The following DPP10 variants were observed in gnomAD, a reference collection of about 807,000 sequenced individuals.
DPP10 encodes inactive dipeptidyl peptidase 10.
DPP10 carries 33 observed loss-of-function variants against 120.9 expected under a neutral mutation model. The observed-to-expected ratio is 0.27, with a 90% CI of 0.21 to 0.37. The LOEUF (loss-of-function observed/expected upper bound fraction) is 0.37. DPP10 is among the 10% of genes least tolerant of loss of function. DPP10 has a pLI of 1.00. For missense variants in DPP10, 816 were observed against 942.8 expected (o/e 0.87, Z 1.76); for synonymous variants, 337 against 326.1 (o/e 1.03, Z -0.36).
At chr2:115,402,319 G>A (rs1044974431) in intron 3 of DPP10, among the ~76,000 whole-genome samples, 12 of 152,052 alleles carry the variant, frequency 7.9e-5, no homozygotes, top group African/African-American at 2.9e-4. Context: ...TTACAAGCAG[G>A]GGTGGACCAC....
chr2:114,780,068 G>A (rs1244484403), intron 1 of DPP10, among the ~76,000 whole-genome samples: 2 of 151,868 alleles, frequency 1.3e-5, no homozygotes, highest in Non-Finnish European at 2.9e-5. Flanking sequence ...CCCGGGAGGC[G>A]TAGCTTGCAG....
chr2:115,010,719 T>C (rs1573291003), intron 1 of DPP10, among the ~76,000 whole-genome samples: 1 of 152,184 alleles, frequency 6.6e-6, no homozygotes, highest in East Asian at 1.9e-4. Context: ...TCCATCATTT[T>C]ATGAACAAAA....
At chr2:115,363,215 C>T (rs1423602348) in intron 3 of DPP10, among the ~76,000 whole-genome samples, 1 of 152,146 alleles carries the variant, frequency 6.6e-6, no homozygotes, top group Non-Finnish European at 1.5e-5. Flanking sequence ...TCTACCATTA[C>T]CAGTAATGCT....
intron 5 of DPP10, among the ~76,000 whole-genome samples, chr2:115,581,836 T>C (rs2082018083): frequency 1.3e-5 from 2 of 152,142 alleles, no homozygotes; most frequent in South Asian, 2.1e-4. Flanking sequence ...AGTCCCATCA[T>C]TGTGTTCACC....
At chr2:114,808,308 A>G (rs1012490075) in intron 1 of DPP10, among the ~76,000 whole-genome samples, 9 of 152,314 alleles carry the variant, frequency 5.9e-5, no homozygotes, top group South Asian at 2.1e-4. Flanking sequence ...ATTTTGAACT[A>G]TTATGAACAA....
chr2:115,716,170 GA>G (rs1423286567), intron 7 of DPP10, among the ~76,000 whole-genome samples: 1 of 152,188 alleles, frequency 6.6e-6, no homozygotes, highest in Non-Finnish European at 1.5e-5. Context: ...CAATATCAAT[GA>G]AAACACTAGC....
chr2:115,515,903 C>T (rs190583064), intron 4 of DPP10, among the ~76,000 whole-genome samples: 51 of 152,184 alleles, frequency 3.4e-4, no homozygotes, highest in Non-Finnish European at 6.0e-4. Flanking sequence ...AAAATAAACA[C>T]ACACACTGAA....
chr2:115,137,943 C>A lies in DPP10; in HGVS notation c.61-171296C>A, dbSNP rs563746858. Among the ~76,000 whole-genome samples, 6 of 152,114 alleles carry A rather than the reference C, an allele frequency of 3.9e-5. No individual in the cohort carries two copies. The East Asian group carries it at 1.2e-3, about 30-fold the overall frequency. ...CAGCTTTACACAGAGAAATGAAGGT[C>A]ATCAGCATAAAGACAGAGATGTTCA... On this transcript the variant is annotated intron_variant, in intron 1 of 25. Coordinates refer to ENST00000410059, the MANE Select transcript of DPP10 (RefSeq NM_020868.6).
chr2:114,530,928 A>G (rs1685920137), intron 1 of DPP10, among the ~76,000 whole-genome samples: 1 of 152,176 alleles, frequency 6.6e-6, no homozygotes, highest in Non-Finnish European at 1.5e-5. Flanking sequence ...TTGCATAAGT[A>G]AATTATCCAG....
chr2:114,610,125 G>A (rs181051663), intron 1 of DPP10, among the ~76,000 whole-genome samples: 450 of 152,266 alleles, frequency 3.0e-3, no homozygotes, highest in Non-Finnish European at 4.3e-3. Flanking sequence ...TACGGATGAC[G>A]AAACTGAGGC....
At chr2:115,273,814 T>C (rs2105827010) in intron 1 of DPP10, among the ~76,000 whole-genome samples, 1 of 152,374 alleles carries the variant, frequency 6.6e-6, no homozygotes, top group South Asian at 2.1e-4. Flanking sequence ...AAAGATTGAA[T>C]TTGGAACGAG....
At chr2:115,285,215 C>G (rs1239379510) in intron 1 of DPP10, among the ~76,000 whole-genome samples, 1 of 152,060 alleles carries the variant, frequency 6.6e-6, no homozygotes. Context: ...CCCTGAACTG[C>G]TACTCCCTCT....
rs576794913 is a variant in DPP10 at position 114,960,816 on chromosome 2, G to A, written c.61-348423G>A. Reference sequence around the variant, plus strand: ...GCATTCTTCTGTCAAGTGGACATAAGTTCAAGTATGGGTGACTTTGAGAAA... The same window carrying A: ...GCATTCTTCTGTCAAGTGGACATAAATTCAAGTATGGGTGACTTTGAGAAA... On this transcript the variant is annotated intron_variant, in intron 1 of 25. Transcript: ENST00000410059. Among the ~76,000 whole-genome samples the A allele has an allele frequency of 8.7e-4, 133 of 152,206 alleles. 4 individuals are homozygous for A. The South Asian group carries it at 0.024, about 27-fold the overall frequency.
intron 1 of DPP10, among the ~76,000 whole-genome samples, chr2:114,619,389 G>A (rs1281447366): frequency 6.6e-6 from 1 of 151,532 alleles, no homozygotes; most frequent in African/African-American, 2.4e-5. Flanking sequence ...ATATGTGTGT[G>A]TGTGTGTGTG....
At chr2:115,534,198 G>A (rs1430226423) in intron 5 of DPP10, among the ~76,000 whole-genome samples, 1 of 151,768 alleles carries the variant, frequency 6.6e-6, no homozygotes, top group Admixed American at 6.6e-5. Flanking sequence ...CCATGCTGGT[G>A]TGCTGCACCC....
chr2:114,978,142 A>T (rs903869953), intron 1 of DPP10, among the ~76,000 whole-genome samples: 2 of 152,184 alleles, frequency 1.3e-5, no homozygotes, highest in Non-Finnish European at 2.9e-5. Context: ...CTGTCCTGAC[A>T]TTGGCAACGT....
intron 7 of DPP10, among the ~76,000 whole-genome samples, chr2:115,699,506 G>T (rs2091788381): frequency 6.6e-6 from 1 of 152,198 alleles, no homozygotes; most frequent in South Asian, 2.1e-4. Context: ...GGAGGCTGAG[G>T]CAAGAGAATT....
At position 115,237,800 on chromosome 2, in the gene DPP10, G is replaced by A. The variant is rs75338909; in HGVS notation, c.61-71439G>A. ...CAAAGCCTAATTCCAGAGCAAGGCC[G>A]TAACTCCCTTCAGTTCTATAAAGGC... On this transcript the variant is annotated intron_variant, in intron 1 of 25. Transcript: ENST00000410059. 7.9e-5 allele frequency among the ~76,000 whole-genome samples: 12 copies of A among 152,264 alleles called. No homozygotes were observed. The East Asian group carries it at 1.7e-3, about 22-fold the overall frequency.
At chr2:115,164,799 C>T (rs991751336) in intron 1 of DPP10, among the ~76,000 whole-genome samples, 55 of 152,184 alleles carry the variant, frequency 3.6e-4, no homozygotes, top group Admixed American at 2.2e-3. Flanking sequence ...TCCTCTGGCA[C>T]AGGGTGCCAT....
Sources: gnomAD v4.1 joint callset for allele counts (sites outside exome capture counted in the v4.1 genomes callset) on GRCh38, gnomAD v4.1.1 for gene constraint, MANE v1.5 for transcripts, NCBI Gene and HGNC (gene_info 2026-07-23, HGNC 2026-07-21) for gene names.